Variants in BCL2 observed in about 807,000 individuals in gnomAD.
The protein encoded by BCL2 is BCL2 apoptosis regulator.
BCL2 carries 1 observed loss-of-function variant against 14.2 expected under a neutral mutation model. That is an observed-to-expected ratio of 0.07 (90% CI 0.02 to 0.33). The LOEUF is 0.33. Ranked by LOEUF, BCL2 falls within the 10% of genes least tolerant of loss-of-function variation. The pLI is 0.99. For missense variants in BCL2, 247 were observed against 305.9 expected (o/e 0.81, Z 1.44); for synonymous variants, 151 against 137.2 (o/e 1.10, Z -0.70).
intron 2 of BCL2, among the ~76,000 whole-genome samples, chr18:63,300,139 C>T (rs1365528036): frequency 2.0e-5 from 3 of 152,192 alleles, no homozygotes; most frequent in Non-Finnish European, 4.4e-5. Context: ...GGAGGTGGCT[C>T]TTCTAAATAT....
At position 63,149,844 on chromosome 18, in the gene BCL2, C is replaced by CATTTATTT. The variant is rs372022076; in HGVS notation, c.586-21093_586-21086dup. Among the ~76,000 whole-genome samples, 265 of 147,376 alleles carry CATTTATTT rather than the reference C, an allele frequency of 1.8e-3. No individual in the cohort carries two copies. Among genetic ancestry groups the CATTTATTT allele is most frequent in the Admixed American group, 2.8e-3 (41 of 14,778 alleles). On this transcript the variant is annotated intron_variant, in intron 2 of 2. Coordinates refer to ENST00000333681, the MANE Select transcript of BCL2 (RefSeq NM_000633.3). The surrounding 1 kb of genome is among the most constrained non-coding windows in gnomAD (Gnocchi z 4.2). ...CAGAAAGGGTTCTCCTGACATGAGG[C>CATTTATTT]ATTTATTTATTTATTTATTTATTTA... is the stretch of plus-strand genomic sequence containing the variant.
intron 2 of BCL2, among the ~76,000 whole-genome samples, chr18:63,162,368 C>A (rs1914941758): frequency 6.6e-6 from 1 of 152,184 alleles, no homozygotes. Flanking sequence ...ACCAACACGT[C>A]TTCATTGCTC....
intron 2 of BCL2, among the ~76,000 whole-genome samples, chr18:63,172,380 G>T (rs577472534): frequency 6.6e-6 from 1 of 152,196 alleles, no homozygotes; most frequent in Non-Finnish European, 1.5e-5. Context: ...TGGTCCTGAA[G>T]AACTGGTGAG....
At chr18:63,218,679 T>C in intron 2 of BCL2, among the ~76,000 whole-genome samples, 1 of 86 alleles carries the variant, frequency 0.012, no homozygotes, top group Non-Finnish European at 0.02. Context: ...GTCATCCCCA[T>C]CCTCCACTCA....
intron 2 of BCL2, among the ~76,000 whole-genome samples, chr18:63,235,424 A>G (rs915021771): frequency 1.3e-5 from 2 of 152,248 alleles, no homozygotes; most frequent in Non-Finnish European, 2.9e-5. Context: ...CCTCCATCTG[A>G]TAACTACAAC....
intron 2 of BCL2, among the ~76,000 whole-genome samples, chr18:63,278,123 C>T (rs1912209123): frequency 6.6e-6 from 1 of 152,188 alleles, no homozygotes; most frequent in African/African-American, 2.4e-5. Context: ...TTTCATCAGG[C>T]CACTGCCCCT....
intron 2 of BCL2, among the ~76,000 whole-genome samples, chr18:63,266,485 T>C (rs1316250025): frequency 6.6e-6 from 1 of 151,822 alleles, no homozygotes; most frequent in African/African-American, 2.4e-5. Context: ...GTATACACTT[T>C]GTATTTTTTG....
At chr18:63,247,483 C>G (rs1454474482) in intron 2 of BCL2, among the ~76,000 whole-genome samples, 1 of 152,082 alleles carries the variant, frequency 6.6e-6, no homozygotes, top group African/African-American at 2.4e-5. Context: ...CAAGTGTGAG[C>G]CACCGCGCCC....
Position 63,128,382 on chromosome 18 carries a change from C to T in BCL2, c.*243G>A. 2 of 378,162 alleles carry T rather than the reference C, an allele frequency of 5.3e-6. No homozygotes were observed. The highest frequency in any genetic ancestry group is 2.0e-5 in the African/African-American group (1 of 48,808). 23.4% of individuals were successfully genotyped at this position (378,162 alleles called of 1,614,324 possible). Reference sequence around the variant, plus strand: ...GTCTTAAATAAATAAATCTTTTTTTCTTAATAATGTAAAAAATAAATGATA... The same window carrying T: ...GTCTTAAATAAATAAATCTTTTTTTTTTAATAATGTAAAAAATAAATGATA... On this transcript the variant is annotated 3_prime_UTR_variant, in exon 3 of 3. Coordinates refer to ENST00000333681, the MANE Select transcript of BCL2 (RefSeq NM_000633.3).
intron 2 of BCL2, among the ~76,000 whole-genome samples, chr18:63,279,465 A>G (rs1912247854): frequency 6.6e-6 from 1 of 152,262 alleles, no homozygotes; most frequent in Non-Finnish European, 1.5e-5. Context: ...TTAAACCCAC[A>G]ATGTGATACT....
chr18:63,239,829 G>C (rs1263669360), intron 2 of BCL2, among the ~76,000 whole-genome samples: 2 of 152,150 alleles, frequency 1.3e-5, no homozygotes, highest in African/African-American at 4.8e-5. Context: ...AATCTTCCCA[G>C]GGTTGGGGGC....
rs555043105 is a variant in BCL2 at position 63,167,597 on chromosome 18, T to C, written c.586-38838A>G. ...GAGTTTGAAACCAGCCTGGGCAACATAGCAAGACCTCCATCTCTACAAAAA... is the reference window on the plus strand; with the variant it reads ...GAGTTTGAAACCAGCCTGGGCAACACAGCAAGACCTCCATCTCTACAAAAA... On this transcript the variant is annotated intron_variant, in intron 2 of 2. Coordinates refer to ENST00000333681, the MANE Select transcript of BCL2 (RefSeq NM_000633.3). 3.3e-5 allele frequency among the ~76,000 whole-genome samples: 5 copies of C among 151,470 alleles called. No homozygotes were observed. In the East Asian group the frequency reaches 9.9e-4, roughly 30 times the overall value.
chr18:63,198,833 A>G (rs1344372256), intron 2 of BCL2, among the ~76,000 whole-genome samples: 5 of 151,860 alleles, frequency 3.3e-5, no homozygotes, highest in African/African-American at 1.2e-4. Flanking sequence ...ACAGACATAC[A>G]CAGACACACA....
At chr18:63,301,568 T>A (rs1394584519) in intron 2 of BCL2, among the ~76,000 whole-genome samples, 1 of 152,236 alleles carries the variant, frequency 6.6e-6, no homozygotes, top group Non-Finnish European at 1.5e-5. Context: ...TGAAATGACT[T>A]CCTAGTTCCT....
intron 2 of BCL2, among the ~76,000 whole-genome samples, chr18:63,176,002 T>C (rs1915340258): frequency 6.6e-6 from 1 of 152,146 alleles, no homozygotes; most frequent in Non-Finnish European, 1.5e-5. Flanking sequence ...GTGAAAATTG[T>C]GGATGGAATT....
intron 2 of BCL2, among the ~76,000 whole-genome samples, chr18:63,210,537 CAT>C (rs907721418): frequency 2.2e-4 from 34 of 152,330 alleles, no homozygotes; most frequent in Admixed American, 1.8e-3. Flanking sequence ...TTTCTATCCA[CAT>C]GTCTATGAGC....
rs1265314525 is a variant in BCL2, at chr18:63,319,598, G to C, written c.-711C>G. The stretch of plus-strand genomic sequence containing the variant: ...TCACGCCTCCCCAGGAGAGAGACAG[G>C]GGAGAGGGGACGATGAAGGAGCCGG... On this transcript the variant is annotated 5_prime_UTR_variant, in exon 1 of 3. Transcript: ENST00000333681. 2.2e-5 allele frequency: 5 copies of C among 227,436 alleles called. No individual in the cohort carries two copies. The South Asian group carries it at 5.5e-4, about 25-fold the overall frequency. 14.1% of individuals were successfully genotyped at this position (227,436 alleles called of 1,614,324 possible). A position where few individuals can be genotyped will look rare whatever the true frequency, so the allele number is the denominator to read the frequency against.
chr18:63,302,532 C>T, intron 2 of BCL2: 17 of 985,252 alleles, frequency 1.7e-5, no homozygotes, highest in Non-Finnish European at 2.0e-5. Context: ...CATGTTGTGC[C>T]CAGGGAAGAT....
intron 2 of BCL2, among the ~76,000 whole-genome samples, chr18:63,204,686 T>C (rs1006834561): frequency 3.9e-5 from 6 of 152,182 alleles, no homozygotes; most frequent in East Asian, 3.8e-4. Flanking sequence ...ATGCAGCTAA[T>C]TGATAACTGG....
Sources: gnomAD v4.1 joint callset for allele counts (sites outside exome capture counted in the v4.1 genomes callset) on GRCh38, gnomAD v4.1.1 for gene constraint, Gnocchi (gnomAD v3.1) non-coding constraint, MANE v1.5 for transcripts, NCBI Gene and HGNC (gene_info 2026-07-23, HGNC 2026-07-21) for gene names.